PLEKHA5: variants seen among roughly 807,000 people sequenced by gnomAD.
PLEKHA5 encodes the protein pleckstrin homology domain-containing family A member 5.
PLEKHA5 carries 55 observed loss-of-function variants against 181.9 expected under a neutral mutation model. That is an observed-to-expected ratio of 0.30 (90% CI 0.24 to 0.38). The LOEUF is 0.38. Ranked by LOEUF, PLEKHA5 falls within the 10% of genes least tolerant of loss-of-function variation. PLEKHA5 has a pLI of 1.00. For synonymous variants in PLEKHA5, 535 were observed against 529.4 expected, an observed-to-expected ratio of 1.01 and a Z score of -0.15; for missense variants, 1,432 against 1,549.5, an observed-to-expected ratio of 0.92 and a Z score of 1.27.
intron 15 of PLEKHA5, among the ~76,000 whole-genome samples, chr12:19,301,874 T>C (rs567964317): frequency 1.3e-5 from 2 of 152,338 alleles, no homozygotes; most frequent in South Asian, 4.1e-4. Flanking sequence ...GTGGTTTCAA[T>C]AGGTAGCATA....
chr12:19,284,380 C>G (rs753509017), intron 12 of PLEKHA5, among the ~76,000 whole-genome samples: 9 of 152,104 alleles, frequency 5.9e-5, no homozygotes, highest in Non-Finnish European at 1.2e-4. Flanking sequence ...AGACCACATT[C>G]ATTTTTATTG....
rs571284245 is a variant in PLEKHA5, at chr12:19,227,489, T to G, written c.228-26451T>G. ...AGTCCCAGAGATAAGTATTCCAGGGTTGGAATCAGAGTTCCTTCCATTTTC... is the reference window on the plus strand; with the variant it reads ...AGTCCCAGAGATAAGTATTCCAGGGGTGGAATCAGAGTTCCTTCCATTTTC... On this transcript the variant is annotated intron_variant, in intron 3 of 31. Coordinates refer to ENST00000429027, the MANE Select transcript of PLEKHA5 (RefSeq NM_001256470.2). Among the ~76,000 whole-genome samples the G allele has an allele frequency of 7.2e-5, 11 of 152,266 alleles. No individual in the cohort carries two copies. The South Asian group carries it at 2.3e-3, about 32-fold the overall frequency.
intron 4 of PLEKHA5, 30 bp downstream of exon 4, chr12:19,254,053 A>G: frequency 2.3e-6 from 3 of 1,306,850 alleles, no homozygotes; most frequent in Non-Finnish European, 3.3e-6. Flanking sequence ...GAATGCCTGT[A>G]TTCAAAATTG....
intron 3 of PLEKHA5, among the ~76,000 whole-genome samples, chr12:19,185,886 G>A (rs562379597): frequency 6.6e-6 from 1 of 152,138 alleles, no homozygotes; most frequent in Admixed American, 6.6e-5. Context: ...TAGTTGAGGG[G>A]ATGGGATATT....
intron 25 of PLEKHA5, among the ~76,000 whole-genome samples, chr12:19,349,019 G>A (rs1251152613): frequency 6.6e-6 from 1 of 150,620 alleles, no homozygotes; most frequent in Non-Finnish European, 1.5e-5. Flanking sequence ...ATAAGTTTAT[G>A]TCAAACTTTA....
intron 3 of PLEKHA5, among the ~76,000 whole-genome samples, chr12:19,251,145 G>T (rs1017434406): frequency 1.2e-4 from 19 of 152,014 alleles, no homozygotes; most frequent in Non-Finnish European, 2.6e-4. Context: ...GTGGCTCACA[G>T]TGTAATCCCA....
At chr12:19,217,265 T>C (rs755427584) in intron 3 of PLEKHA5, among the ~76,000 whole-genome samples, 7 of 152,218 alleles carry the variant, frequency 4.6e-5, no homozygotes, top group Non-Finnish European at 1.0e-4. Flanking sequence ...AGATGATTGA[T>C]ATGATAGTAA....
At chr12:19,287,026 C>G (rs1009650811) in intron 12 of PLEKHA5, among the ~76,000 whole-genome samples, 8 of 151,862 alleles carry the variant, frequency 5.3e-5, no homozygotes, top group African/African-American at 1.9e-4. Context: ...TAGATGGAGC[C>G]TCGCTCTGTT....
intron 15 of PLEKHA5, among the ~76,000 whole-genome samples, chr12:19,312,541 T>C (rs1362724146): frequency 1.3e-5 from 2 of 152,354 alleles, no homozygotes; most frequent in East Asian, 3.9e-4. Context: ...ATGGCTTCTT[T>C]CCATAAACCT....
intron 3 of PLEKHA5, among the ~76,000 whole-genome samples, chr12:19,141,737 T>C (rs1215547140): frequency 1.3e-5 from 2 of 152,196 alleles, no homozygotes; most frequent in Non-Finnish European, 2.9e-5. Flanking sequence ...GCAAGTGAGT[T>C]TGAAGAAACT....
intron 25 of PLEKHA5, among the ~76,000 whole-genome samples, chr12:19,351,019 G>A (rs1283169069): frequency 7.0e-6 from 1 of 142,524 alleles, no homozygotes; most frequent in Non-Finnish European, 1.5e-5. Context: ...GTACAGTGGT[G>A]AGATCATGGC....
intron 3 of PLEKHA5, chr12:19,176,544 A>T (rs1258861885): frequency 6.6e-6 from 1 of 152,130 alleles, no homozygotes; most frequent in East Asian, 1.9e-4. Flanking sequence ...CTCCAGCTTC[A>T]GCTTCCTAAG....
chr12:19,344,104 C>T (rs755909598), intron 22 of PLEKHA5, among the ~76,000 whole-genome samples: 36 of 151,492 alleles, frequency 2.4e-4, no homozygotes, highest in South Asian at 2.1e-4. Flanking sequence ...GGACCACTGT[C>T]GTATATGTAG....
At chr12:19,144,530 TAAGTCA>T (rs2038360334) in intron 3 of PLEKHA5, among the ~76,000 whole-genome samples, 1 of 152,210 alleles carries the variant, frequency 6.6e-6, no homozygotes, top group Admixed American at 6.5e-5. Flanking sequence ...CTGGTTGATG[TAAGTCA>T]AAGTCAGATG....
intron 20 of PLEKHA5, among the ~76,000 whole-genome samples, chr12:19,329,800 G>A (rs953267564): frequency 6.6e-6 from 1 of 151,996 alleles, no homozygotes; most frequent in Non-Finnish European, 1.5e-5. Flanking sequence ...TCCCCAGGCT[G>A]GTGTGGTGGC....
intron 15 of PLEKHA5, among the ~76,000 whole-genome samples, chr12:19,310,186 G>A (rs966713412): frequency 3.3e-5 from 5 of 152,122 alleles, no homozygotes; most frequent in African/African-American, 7.2e-5. Context: ...AACATCCTAC[G>A]TGTACTATTT....
At chr12:19,287,374 A>G (rs775181196) in intron 12 of PLEKHA5, 99 bp from the exon 13 acceptor site, 23 of 755,162 alleles carry the variant, frequency 3.0e-5, no homozygotes, top group Non-Finnish European at 4.7e-5. Context: ...GCAATTTTAA[A>G]TGGTATTTCA....
chr12:19,361,177 AT>A (rs1323525340), intron 28 of PLEKHA5, among the ~76,000 whole-genome samples: 1 of 151,954 alleles, frequency 6.6e-6, no homozygotes. Flanking sequence ...TTGTTTATTT[AT>A]TTTTTTGTTT....
intron 20 of PLEKHA5, among the ~76,000 whole-genome samples, chr12:19,332,876 A>T (rs969543283): frequency 5.3e-5 from 8 of 152,108 alleles, no homozygotes; most frequent in Non-Finnish European, 1.0e-4. Flanking sequence ...GGCTGGTCTC[A>T]GATTCCTGGG....
Sources: allele counts gnomAD v4.1 joint callset (sites outside exome capture counted in the v4.1 genomes callset), GRCh38; gene constraint gnomAD v4.1.1; transcripts MANE v1.5; gene names NCBI Gene and HGNC (gene_info 2026-07-23, HGNC 2026-07-21).